Variants in AKAP6 observed in about 807,000 individuals in gnomAD.
AKAP6 encodes the protein A-kinase anchoring protein 6.
AKAP6 carries 58 observed loss-of-function variants against 188.5 expected under a neutral mutation model. That is an observed-to-expected ratio of 0.31 (90% confidence interval 0.25 to 0.38). AKAP6 has a LOEUF of 0.38. Among genes scored for constraint, AKAP6 ranks in the 10% least tolerant of loss-of-function variants. The probability of loss-of-function intolerance (pLI) is 1.00; values close to 1 mark genes in which losing one functional copy is unlikely to be tolerated. For missense variants in AKAP6, 2,710 were observed against 2,740.0 expected, an observed-to-expected ratio of 0.99 and a Z score of 0.24; for synonymous variants, 989 against 998.6, an observed-to-expected ratio of 0.99 and a Z score of 0.18.
At chr14:32,380,902 TC>T (rs1888334380) in intron 1 of AKAP6, among the ~76,000 whole-genome samples, 1 of 152,186 alleles carries the variant, frequency 6.6e-6, no homozygotes, top group African/African-American at 2.4e-5. Context: ...GTTTTTTTTT[TC>T]CTTAGTGTTT....
At chr14:32,740,995 A>G (rs1016845594) in intron 11 of AKAP6, among the ~76,000 whole-genome samples, 1 of 150,634 alleles carries the variant, frequency 6.6e-6, no homozygotes, top group Non-Finnish European at 1.5e-5. Flanking sequence ...CAATCCATGA[A>G]AATGGAGTGT....
chr14:32,383,343 G>C (rs986328113), intron 1 of AKAP6, among the ~76,000 whole-genome samples: 1 of 152,084 alleles, frequency 6.6e-6, no homozygotes, highest in Admixed American at 6.6e-5. Flanking sequence ...GACTGTACCT[G>C]TCATGACTGT....
In AKAP6 at chr14:32,678,459, G is replaced by T. The variant is rs537442965; in HGVS notation, c.2879G>T (p.Gly960Val). 1.2e-6 allele frequency: 2 copies of T among 1,613,734 alleles called. 1 individual carries two copies. Among genetic ancestry groups the T allele is most frequent in the Admixed American group, 3.3e-5 (2 of 60,006 alleles). Residue 960 changes from glycine (G) to valine (V), a missense_variant and splice_region_variant, in exon 8 of 14, where the codon GGG becomes GTG. Around this residue, in one of 2 missense-constraint regions of AKAP6, gnomAD observed 2,473 missense variants for 2,426.1 expected, o/e 1.02. Coordinates refer to ENST00000280979, the MANE Select transcript of AKAP6 (RefSeq NM_004274.5). ...MSKVHSVGSN[G>V]LLDFDSEYQE... ...AAAGTTCATTCAGTGGGAAGCAATG[G>T]GTAGGGAACTATTCTTTTTGTTGTT...
At chr14:32,654,449 C>G (rs557763865) in intron 7 of AKAP6, among the ~76,000 whole-genome samples, 5 of 152,190 alleles carry the variant, frequency 3.3e-5, no homozygotes, top group African/African-American at 9.6e-5. Flanking sequence ...ACAAATGCAA[C>G]AAACCAATTA....
At chr14:32,689,688 G>A (rs1173935403) in intron 8 of AKAP6, among the ~76,000 whole-genome samples, 2 of 151,970 alleles carry the variant, frequency 1.3e-5, no homozygotes, top group Non-Finnish European at 2.9e-5. Context: ...ATTATGGTTG[G>A]AGATATAACA....
chr14:32,576,059 A>T (rs1402948145), intron 4 of AKAP6, among the ~76,000 whole-genome samples: 1 of 152,072 alleles, frequency 6.6e-6, no homozygotes, highest in Non-Finnish European at 1.5e-5. Flanking sequence ...ATCTAGGAAA[A>T]ACCCTAATGG....
At chr14:32,580,976 A>T (rs924459609) in intron 5 of AKAP6, among the ~76,000 whole-genome samples, 1 of 152,062 alleles carries the variant, frequency 6.6e-6, no homozygotes, top group African/African-American at 2.4e-5. Context: ...GGTTGGTTCC[A>T]AGTCTTTGCT....
At position 32,822,686 on chromosome 14, in the gene AKAP6, G is replaced by A; in HGVS notation, c.4873G>A (p.Val1625Ile). The change falls in exon 13 of 14, where the codon GTT (valine) becomes ATT (isoleucine). Residue 1625 changes from valine (V) to isoleucine (I), a missense_variant. Coordinates refer to ENST00000280979, the MANE Select transcript of AKAP6 (RefSeq NM_004274.5). ...SGDISVSSGSVGELSKRTLDL... is the reference protein window; with the variant it reads ...SGDISVSSGSIGELSKRTLDL... ...GGATATAAGCGTGAGCAGTGGCTCA[G>A]TTGGTGAACTAAGTAAAAGAACATT... is the stretch of plus-strand genomic sequence containing the variant. The A allele has an allele frequency of 3.1e-6, 5 of 1,614,008 alleles. No individual in the cohort carries two copies. Among genetic ancestry groups the A allele is most frequent in the Non-Finnish European group, 4.2e-6 (5 of 1,179,952 alleles).
At chr14:32,398,911 A>T (rs1888984247) in intron 1 of AKAP6, among the ~76,000 whole-genome samples, 1 of 121,964 alleles carries the variant, frequency 8.2e-6, no homozygotes, top group African/African-American at 3.3e-5. Context: ...GAGTGCAGTG[A>T]TGTGATCTCG....
intron 12 of AKAP6, among the ~76,000 whole-genome samples, chr14:32,797,836 T>G (rs1295237598): frequency 6.7e-6 from 1 of 149,576 alleles, no homozygotes; most frequent in Non-Finnish European, 1.5e-5. Flanking sequence ...TTTCTGGACA[T>G]AGGCCCTTGC....
At chr14:32,804,845 C>T (rs1001566487) in intron 12 of AKAP6, among the ~76,000 whole-genome samples, 1 of 152,046 alleles carries the variant, frequency 6.6e-6, no homozygotes, top group Non-Finnish European at 1.5e-5. Flanking sequence ...ATATTCCTTG[C>T]TAGGAAAAGA....
chr14:32,336,569 G>C (rs1214569209), intron 1 of AKAP6, among the ~76,000 whole-genome samples: 1 of 152,112 alleles, frequency 6.6e-6, no homozygotes, highest in African/African-American at 2.4e-5. Context: ...CATGGTGTTG[G>C]CTGGGCTGTG....
chr14:32,365,950 C>T (rs1188208014), intron 1 of AKAP6, among the ~76,000 whole-genome samples: 1 of 152,210 alleles, frequency 6.6e-6, no homozygotes, highest in Non-Finnish European at 1.5e-5. Flanking sequence ...TTCCTGGGTT[C>T]CTTGCCCACT....
intron 9 of AKAP6, among the ~76,000 whole-genome samples, chr14:32,722,228 T>C (rs373708439): frequency 4.6e-5 from 7 of 152,192 alleles, no homozygotes; most frequent in East Asian, 1.9e-4. Context: ...AAGTGCTTTT[T>C]TTTGGAACAT....
chr14:32,823,682 G>C lies in AKAP6; in HGVS notation c.5869G>C (p.Val1957Leu). 6.2e-7 allele frequency: 1 copy of C among 1,613,776 alleles called. No individual in the cohort carries two copies. The highest frequency in any genetic ancestry group is 8.5e-7 in the Non-Finnish European group (1 of 1,179,892). ...TGGCAAGGAATTTGTTTCCCAAGAT[G>C]TTAGACATCTTCCAAAGAAATGTCC... ...TAGKEFVSQD[V>L]RHLPKKCPNH... The change falls in exon 13 of 14, where the codon GTT (valine) becomes CTT (leucine). Residue 1957 changes from valine to leucine, a missense_variant. Around this residue, in one of 2 missense-constraint regions of AKAP6, gnomAD observed 2,473 missense variants for 2,426.1 expected, o/e 1.02. Coordinates refer to ENST00000280979, the MANE Select transcript of AKAP6 (RefSeq NM_004274.5).
intron 1 of AKAP6, among the ~76,000 whole-genome samples, chr14:32,334,176 G>A (rs775803962): frequency 2.6e-5 from 4 of 152,106 alleles, no homozygotes; most frequent in Non-Finnish European, 5.9e-5. Context: ...AGCCCCTTCC[G>A]CGCCCTTATT....
intron 2 of AKAP6, among the ~76,000 whole-genome samples, chr14:32,478,691 A>G (rs1486682943): frequency 6.6e-6 from 1 of 152,208 alleles, no homozygotes; most frequent in African/African-American, 2.4e-5. Flanking sequence ...GAGCTCCTAG[A>G]ACACATAAAC....
chr14:32,334,940 C>A (rs978275767), intron 1 of AKAP6, among the ~76,000 whole-genome samples: 18 of 152,098 alleles, frequency 1.2e-4, no homozygotes, highest in African/African-American at 4.3e-4. Flanking sequence ...GAATGTGGAA[C>A]CTTTATTTTA....
chr14:32,745,642 G>A (rs1018184020), intron 11 of AKAP6, among the ~76,000 whole-genome samples: 5 of 152,042 alleles, frequency 3.3e-5, no homozygotes, highest in Admixed American at 2.0e-4. Flanking sequence ...ACTGGGTCCC[G>A]CCCAAGGCCT....
Sources: allele counts gnomAD v4.1 joint callset (sites outside exome capture counted in the v4.1 genomes callset), GRCh38; gene constraint gnomAD v4.1.1; regional missense constraint gnomAD v4.1.1; transcripts MANE v1.5; gene names NCBI Gene and HGNC (gene_info 2026-07-23, HGNC 2026-07-21).